VPS13C: variants seen among roughly 807,000 people sequenced by gnomAD.
VPS13C encodes intermembrane lipid transfer protein VPS13C.
VPS13C carries 358 observed loss-of-function variants against 456.8 expected under a neutral mutation model. The observed-to-expected ratio is 0.78, with a 90% confidence interval of 0.72 to 0.86. The LOEUF (loss-of-function observed/expected upper bound fraction) is 0.86. Among genes scored for constraint, VPS13C ranks in the 40% least tolerant of loss-of-function variants. VPS13C has a pLI of 0.00. For synonymous variants in VPS13C, 1,578 were observed against 1,486.7 expected (o/e 1.06, Z -1.41); for missense variants, 4,818 against 4,385.4 (o/e 1.10, Z -2.79).
At chr15:62,047,080 T>C (rs2048430145) in intron 1 of VPS13C, among the ~76,000 whole-genome samples, 1 of 151,936 alleles carries the variant, frequency 6.6e-6, no homozygotes, top group South Asian at 2.1e-4. Context: ...ATTTTTTATA[T>C]AAATTTTTTC....
Position 61,911,844 on chromosome 15 carries a change from G to A in VPS13C, c.8711C>T (p.Ser2904Leu), listed in dbSNP as rs115869241. Residue 2904 changes from serine to leucine, a missense_variant, in exon 63 of 85, where the codon TCA becomes TTA. By Grantham distance (145) the Ser-to-Leu change is moderately radical. Transcript: ENST00000644861. ...TGTAACAAAGAAAAATGCTACCTCT[G>A]AAGAAGCAATATAGTTCCATTTATT... ...PTNKWNYIAS[S>L]ECLPFWPESL... 2.8e-3 allele frequency: 4,464 copies of A among 1,591,980 alleles called. 7 individuals carry two copies. Among genetic ancestry groups the A allele is most frequent in the Middle Eastern group, 7.2e-3 (43 of 5,966 alleles).
At chr15:62,048,350 G>A (rs939721278) in intron 1 of VPS13C, among the ~76,000 whole-genome samples, 4 of 144,014 alleles carry the variant, frequency 2.8e-5, no homozygotes, top group Admixed American at 1.5e-4. Flanking sequence ...GAGAACATGT[G>A]GTGTTTGGTT....
At position 61,983,916 on chromosome 15, in the gene VPS13C, G is replaced by T. The variant is rs115394602; in HGVS notation, c.1818C>A (p.Ser606=). The T allele has an allele frequency of 6.2e-7, 1 of 1,614,116 alleles. No homozygotes were observed. The highest frequency in any genetic ancestry group is 8.5e-7 in the Non-Finnish European group (1 of 1,179,992). Residue 606 remains serine (S), a synonymous_variant, in exon 20 of 85, where the codon TCC becomes TCA. Transcript: ENST00000644861. Reference sequence around the variant, plus strand: ...TGGTTTCAAATTTAATTTTAAGCAAGGATGATGTAGTGTCACCAATTGAAG... The same window carrying T: ...TGGTTTCAAATTTAATTTTAAGCAATGATGATGTAGTGTCACCAATTGAAG... The part of the protein sequence containing the change: ...LVASIGDTTS[S]LLKIKFETNP...
At chr15:61,888,883 T>G (rs950067569) in intron 67 of VPS13C, among the ~76,000 whole-genome samples, 1 of 152,156 alleles carries the variant, frequency 6.6e-6, no homozygotes, top group African/African-American at 2.4e-5. Context: ...TAGACAATAA[T>G]GTAGTATCAA....
intron 3 of VPS13C, among the ~76,000 whole-genome samples, chr15:62,037,334 T>C (rs71409108): frequency 1.3e-5 from 1 of 79,820 alleles, no homozygotes; most frequent in East Asian, 2.9e-4. Flanking sequence ...TTATATACAT[T>C]TATATATAAT....
chr15:62,039,976 GAATGGTTAAAGA>G (rs1038890262), intron 3 of VPS13C, among the ~76,000 whole-genome samples: 9 of 152,100 alleles, frequency 5.9e-5, no homozygotes. Context: ...ATCAACAGGT[GAATGGTTAAAGA>G]AAATGTGGTA....
intron 61 of VPS13C, among the ~76,000 whole-genome samples, chr15:61,914,361 G>C (rs1443993962): frequency 6.6e-6 from 1 of 151,926 alleles, no homozygotes; most frequent in African/African-American, 2.4e-5. Context: ...CTAAGGTCAG[G>C]AGTTCGAGAC....
At chr15:62,034,084 A>G (rs926421993) in intron 4 of VPS13C, among the ~76,000 whole-genome samples, 1 of 151,698 alleles carries the variant, frequency 6.6e-6, no homozygotes, top group Non-Finnish European at 1.5e-5. Context: ...ATTGATTACA[A>G]TGATGTATTT....
At chr15:61,876,734 A>G (rs1400612578) in intron 75 of VPS13C, among the ~76,000 whole-genome samples, 1 of 151,988 alleles carries the variant, frequency 6.6e-6, no homozygotes, top group East Asian at 1.9e-4. Flanking sequence ...ATTCTTTCCC[A>G]AAGTGGTAAA....
chr15:62,045,807 T>C (rs2048381515), intron 1 of VPS13C, among the ~76,000 whole-genome samples: 1 of 151,952 alleles, frequency 6.6e-6, no homozygotes, highest in African/African-American at 2.4e-5. Flanking sequence ...AAGATCTAAA[T>C]GTCCAGGAAG....
At chr15:61,868,604 G>T (rs1894763597) in intron 81 of VPS13C, 55 bp downstream of exon 81, 3 of 1,475,528 alleles carry the variant, frequency 2.0e-6, no homozygotes, top group Non-Finnish European at 2.8e-6. Context: ...GAAATCCTGG[G>T]CCTAGAAATC....
At chr15:62,018,171 T>G (rs2047326831) in intron 9 of VPS13C, among the ~76,000 whole-genome samples, 1 of 152,184 alleles carries the variant, frequency 6.6e-6, no homozygotes, top group Non-Finnish European at 1.5e-5. Flanking sequence ...GCTTATCAGC[T>G]TAAGGAGATT....
At chr15:62,019,546 A>AC (rs1435494705) in intron 9 of VPS13C, among the ~76,000 whole-genome samples, 1 of 151,870 alleles carries the variant, frequency 6.6e-6, no homozygotes, top group Non-Finnish European at 1.5e-5. Flanking sequence ...TTCGTTATGC[A>AC]CCCAGTAGTC....
In VPS13C at chr15:61,929,595, A is replaced by G. The variant is rs1032697996; in HGVS notation, c.6192T>C (p.Phe2064=). The change falls in exon 51 of 85, where the codon TTT becomes TTC. Residue 2064 remains phenylalanine, a synonymous_variant. Coordinates refer to ENST00000644861, the MANE Select transcript of VPS13C (RefSeq NM_020821.3). ...CTGGACTCTGAGGCACAGCTTTGAT[A>G]AAGAAATCTGCCACAGTCATCAGAA... ...VEFLMTVADF[F]IKAVPQSPEN... is the part of the protein sequence containing the mutation. The G allele has an allele frequency of 1.9e-6, 3 of 1,613,974 alleles. No individual in the cohort carries two copies. The African/African-American group carries it at 4.0e-5, about 22-fold the overall frequency.
intron 66 of VPS13C, 134 bp downstream of exon 66, chr15:61,907,130 C>T (rs770587308): frequency 1.5e-6 from 2 of 1,348,318 alleles, no homozygotes; most frequent in Non-Finnish European, 2.1e-6. Flanking sequence ...CATCTAAAGT[C>T]CAAAAGCTAC....
chr15:61,944,086 G>A (rs1203929755), intron 45 of VPS13C, among the ~76,000 whole-genome samples: 1 of 152,130 alleles, frequency 6.6e-6, no homozygotes, highest in Non-Finnish European at 1.5e-5. Flanking sequence ...AAACCATAAT[G>A]AGATACCATT....
At chr15:61,998,620 G>C (rs917619635) in intron 16 of VPS13C, among the ~76,000 whole-genome samples, 1 of 152,200 alleles carries the variant, frequency 6.6e-6, no homozygotes, top group African/African-American at 2.4e-5. Context: ...CATATAATTA[G>C]TAGATGGCAA....
At chr15:61,959,645 C>A in intron 35 of VPS13C, 50 bp from the exon 36 acceptor site, 1 of 1,551,558 alleles carries the variant, frequency 6.4e-7, no homozygotes, top group South Asian at 1.2e-5. Context: ...GGTAGAAATG[C>A]AACATATTAA....
At position 62,010,575 on chromosome 15, in the gene VPS13C, G is replaced by C. The variant is rs1345948353; in HGVS notation, c.908C>G (p.Ala303Gly). 2 of 1,612,208 alleles carry C rather than the reference G, an allele frequency of 1.2e-6. No homozygotes were observed. Among genetic ancestry groups the C allele is most frequent in the Non-Finnish European group, 8.5e-7 (1 of 1,179,308 alleles). Residue 303 changes from alanine to glycine, a missense_variant, in exon 13 of 85, where the codon GCA becomes GGA. Physicochemically the swap from Ala to Gly is moderately conservative, Grantham distance 60. Around this residue, in one of 3 missense-constraint regions of VPS13C, gnomAD observed 4,552 missense variants for 4,130.6 expected, o/e 1.10. Transcript: ENST00000644861. Reference sequence around the variant, plus strand: ...TGCATAAGGATTCATGTAGAGTTTTGCAGAGGCTGATATTGGCTGGAAAAC... The same window carrying C: ...TGCATAAGGATTCATGTAGAGTTTTCCAGAGGCTGATATTGGCTGGAAAAC... ...QYIFQPISAS[A>G]KLYMNPYAES...
Sources: allele counts gnomAD v4.1 joint callset (sites outside exome capture counted in the v4.1 genomes callset), GRCh38; gene constraint gnomAD v4.1.1; regional missense constraint gnomAD v4.1.1; transcripts MANE v1.5; gene names NCBI Gene and HGNC (gene_info 2026-07-23, HGNC 2026-07-21).